CSMD3: variants seen among roughly 807,000 people sequenced by gnomAD.
CSMD3 encodes the protein CUB and sushi domain-containing protein 3.
In CSMD3, 177 loss-of-function variants were observed where a neutral mutation model predicts 435.2. That is an observed-to-expected ratio of 0.41 (90% CI 0.36 to 0.46). The LOEUF (loss-of-function observed/expected upper bound fraction) is 0.46. Among genes scored for constraint, CSMD3 ranks in the 20% least tolerant of loss-of-function variants. The pLI is 0.34. For synonymous variants in CSMD3, 1,656 were observed against 1,520.5 expected (o/e 1.09, Z -2.07); for missense variants, 4,265 against 4,504.6 (o/e 0.95, Z 1.52).
At chr8:112,972,498 T>C (rs1040488126) in intron 7 of CSMD3, among the ~76,000 whole-genome samples, 1 of 151,840 alleles carries the variant, frequency 6.6e-6, no homozygotes, top group African/African-American at 2.4e-5. Flanking sequence ...CAGTTCCATT[T>C]TGTGAATTTT....
intron 1 of CSMD3, among the ~76,000 whole-genome samples, chr8:113,353,561 T>C (rs565883997): frequency 4.6e-5 from 7 of 152,318 alleles, no homozygotes; most frequent in African/African-American, 1.7e-4. Context: ...TGAGACATTT[T>C]TAGATTTGTT....
intron 31 of CSMD3, among the ~76,000 whole-genome samples, chr8:112,482,894 G>C (rs1186894367): frequency 1.3e-5 from 2 of 152,020 alleles, no homozygotes; most frequent in Admixed American, 1.3e-4. Flanking sequence ...TTGTAATTCT[G>C]TATTTATTTT....
At chr8:113,394,282 T>C (rs1243154575) in intron 1 of CSMD3, among the ~76,000 whole-genome samples, 1 of 152,080 alleles carries the variant, frequency 6.6e-6, no homozygotes, top group Admixed American at 6.6e-5. Flanking sequence ...CTCTAATATA[T>C]GTACATGCAC....
intron 9 of CSMD3, among the ~76,000 whole-genome samples, chr8:112,925,457 G>A (rs1181836243): frequency 6.6e-6 from 1 of 151,986 alleles, no homozygotes; most frequent in Admixed American, 6.6e-5. Context: ...CAGCTACTGG[G>A]GAGGCTGAGG....
At chr8:112,941,725 T>A (rs1014713333) in intron 9 of CSMD3, among the ~76,000 whole-genome samples, 12 of 151,794 alleles carry the variant, frequency 7.9e-5, no homozygotes, top group African/African-American at 2.7e-4. Context: ...TGTGGATATA[T>A]ATCACTTAGT....
chr8:113,429,857 C>A (rs999283063), intron 1 of CSMD3, among the ~76,000 whole-genome samples: 5 of 151,928 alleles, frequency 3.3e-5, no homozygotes, highest in African/African-American at 1.2e-4. Context: ...TTGGCATTTG[C>A]GCTTATTGTA....
intron 10 of CSMD3, among the ~76,000 whole-genome samples, chr8:112,879,931 G>T (rs1294463818): frequency 1.3e-5 from 2 of 152,144 alleles, no homozygotes; most frequent in East Asian, 3.9e-4. Context: ...GGGGTGGAGG[G>T]TTAGGGGAGG....
intron 9 of CSMD3, among the ~76,000 whole-genome samples, chr8:112,945,460 G>C (rs1423036523): frequency 6.6e-6 from 1 of 151,518 alleles, no homozygotes; most frequent in Admixed American, 6.6e-5. Context: ...GTAGCCTATG[G>C]GTACACATGG....
chr8:112,752,007 T>C (rs2077582817), intron 13 of CSMD3, among the ~76,000 whole-genome samples: 1 of 152,052 alleles, frequency 6.6e-6, no homozygotes, highest in Admixed American at 6.6e-5. Flanking sequence ...TTTTTCCTCT[T>C]CCATTCGCCC....
At chr8:112,674,095 T>C (rs1266356430) in intron 16 of CSMD3, among the ~76,000 whole-genome samples, 52 of 152,106 alleles carry the variant, frequency 3.4e-4, no homozygotes, top group Admixed American at 3.4e-3. Context: ...TTCTCTCCAT[T>C]CACTCACCCA....
chr8:112,296,126 C>T, intron 53 of CSMD3, 120 bp from the exon 54 acceptor site: 1 of 762,054 alleles, frequency 1.3e-6, no homozygotes, highest in Non-Finnish European at 2.2e-6. Flanking sequence ...ACAAATAATT[C>T]AATTATAACT....
chr8:113,106,839 CTTTCT>C (rs1564322004), intron 4 of CSMD3, among the ~76,000 whole-genome samples: 1 of 149,364 alleles, frequency 6.7e-6, no homozygotes, highest in African/African-American at 2.5e-5. Context: ...TCTTTATTCT[CTTTCT>C]TTTTTTTTCT....
chr8:112,758,216 T>C (rs528413266), intron 13 of CSMD3, among the ~76,000 whole-genome samples: 2 of 152,058 alleles, frequency 1.3e-5, no homozygotes, highest in South Asian at 4.2e-4. Flanking sequence ...TAGCCAGGCA[T>C]GGTGGCAGGC....
intron 10 of CSMD3, among the ~76,000 whole-genome samples, chr8:112,870,737 TTC>T (rs1475102928): frequency 1.3e-5 from 2 of 152,198 alleles, no homozygotes; most frequent in East Asian, 3.9e-4. Flanking sequence ...TTAATCCATA[TTC>T]TGTTTGAAAC....
intron 13 of CSMD3, among the ~76,000 whole-genome samples, chr8:112,703,488 G>T (rs1482160120): frequency 6.6e-6 from 1 of 152,124 alleles, no homozygotes; most frequent in Non-Finnish European, 1.5e-5. Context: ...ATCCTTGATG[G>T]CTAAAGTAAT....
chr8:112,821,244 GT>G lies in CSMD3; in HGVS notation c.1859+8441del, dbSNP rs58330318. 6.4e-3 allele frequency among the ~76,000 whole-genome samples: 975 copies of G among 152,218 alleles called. 18 individuals are homozygous for G. The East Asian group carries it at 0.074, about 12-fold the overall frequency. ...AATCACCACACTGTCTTCCACAATA[GT>G]TGAACTAATTTACATTCTTACCAGC... On this transcript the variant is annotated intron_variant, in intron 12 of 70. Transcript: ENST00000297405.
At chr8:112,653,048 C>T (rs1351152516) in intron 18 of CSMD3, among the ~76,000 whole-genome samples, 2 of 152,078 alleles carry the variant, frequency 1.3e-5, no homozygotes, top group African/African-American at 4.8e-5. Context: ...AACTAATGAC[C>T]TCAAGTGACA....
intron 12 of CSMD3, among the ~76,000 whole-genome samples, chr8:112,813,372 C>T (rs1379172750): frequency 1.3e-5 from 2 of 152,048 alleles, no homozygotes; most frequent in African/African-American, 2.4e-5. Context: ...TGAGGAAAAC[C>T]GGAATTGCAA....
At chr8:112,299,768 A>T (rs1820725947) in intron 53 of CSMD3, among the ~76,000 whole-genome samples, 1 of 152,010 alleles carries the variant, frequency 6.6e-6, no homozygotes, top group African/African-American at 2.4e-5. Flanking sequence ...ATATTCTGGG[A>T]TTTGCTTGTT....
Sources: gnomAD v4.1 joint callset for allele counts (sites outside exome capture counted in the v4.1 genomes callset) on GRCh38, gnomAD v4.1.1 for gene constraint, MANE v1.5 for transcripts, NCBI Gene and HGNC (gene_info 2026-07-23, HGNC 2026-07-21) for gene names.